The following CLTA variants were observed in gnomAD, a reference collection of about 807,000 sequenced individuals.
The protein encoded by CLTA is clathrin, light polypeptide (Lca).
CLTA carries 9 observed loss-of-function variants against 26.9 expected under a neutral mutation model. The observed-to-expected ratio is 0.33, with a 90% CI of 0.20 to 0.58. The LOEUF is 0.58. Among genes scored for constraint, CLTA ranks in the 20% least tolerant of loss-of-function variants. CLTA has a pLI of 0.85. For missense variants in CLTA, 278 were observed against 294.2 expected, an observed-to-expected ratio of 0.94 and a Z score of 0.40; for synonymous variants, 120 against 115.5, an observed-to-expected ratio of 1.04 and a Z score of -0.25.
At chr9:36,206,566 ATCTG>A (rs1282373705) in intron 4 of CLTA, among the ~76,000 whole-genome samples, 2 of 152,086 alleles carry the variant, frequency 1.3e-5, no homozygotes, top group Non-Finnish European at 2.9e-5. Context: ...CATCCTTGTT[ATCTG>A]TCTATGGGTA....
intron 1 of CLTA, among the ~76,000 whole-genome samples, chr9:36,193,636 C>G (rs143904228): frequency 6.6e-6 from 1 of 151,880 alleles, no homozygotes; most frequent in African/African-American, 2.4e-5. Flanking sequence ...AGGTTTTAGG[C>G]GGGAGCTCTC....
At chr9:36,192,831 A>G (rs1364307554) in intron 1 of CLTA, among the ~76,000 whole-genome samples, 1 of 152,222 alleles carries the variant, frequency 6.6e-6, no homozygotes, top group Non-Finnish European at 1.5e-5. Flanking sequence ...GTGCGATAAC[A>G]GACAGGCAGC....
At chr9:36,198,155 C>T (rs528116627) in intron 2 of CLTA, among the ~76,000 whole-genome samples, 11 of 151,958 alleles carry the variant, frequency 7.2e-5, no homozygotes, top group Admixed American at 6.5e-4. Context: ...TGCCACCACG[C>T]CCGGCTAATT....
chr9:36,206,750 C>G (rs1468991399), intron 4 of CLTA, among the ~76,000 whole-genome samples: 4 of 152,012 alleles, frequency 2.6e-5, no homozygotes, highest in African/African-American at 9.7e-5. Flanking sequence ...CGAAAATTAA[C>G]TGGGTGTGGT....
At chr9:36,205,288 C>T (rs1271152423) in intron 4 of CLTA, among the ~76,000 whole-genome samples, 1 of 151,386 alleles carries the variant, frequency 6.6e-6, no homozygotes, top group African/African-American at 2.5e-5. Flanking sequence ...TCCACAGTCC[C>T]AGTCCCACAG....
At chr9:36,195,818 A>AT (rs199793777) in intron 1 of CLTA, among the ~76,000 whole-genome samples, 4,325 of 152,078 alleles carry the variant, frequency 0.028, 220 homozygotes, top group African/African-American at 0.099. Flanking sequence ...AAATACAAAA[A>AT]TTAGCCGGGC....
In CLTA at chr9:36,191,052, C is replaced by T. The variant is rs1210023037; in HGVS notation, c.-5C>T. On this transcript the variant is annotated 5_prime_UTR_variant, in exon 1 of 5. Transcript: ENST00000345519. ...GTTGGTGTCCGTGCCGTTCAGTTGC[C>T]CGCCATGGCTGAGCTGGATCCGTTC... 1 of 1,533,722 alleles carries T rather than the reference C, an allele frequency of 6.5e-7. No individual in the cohort carries two copies. The highest frequency in any genetic ancestry group is 8.7e-7 in the Non-Finnish European group (1 of 1,152,464).
intron 1 of CLTA, 52 bp downstream of exon 1, chr9:36,191,325 C>T: frequency 6.2e-6 from 9 of 1,459,576 alleles, no homozygotes; most frequent in Non-Finnish European, 7.2e-6. Context: ...AAACTCGGTC[C>T]ACAGTGGGTC....
intron 1 of CLTA, among the ~76,000 whole-genome samples, chr9:36,193,514 A>C (rs1241305899): frequency 2.6e-5 from 4 of 151,832 alleles, no homozygotes; most frequent in Admixed American, 6.6e-5. Flanking sequence ...TACATTAAAG[A>C]GTGTCTATAA....
chr9:36,193,317 C>CTTT (rs5897629), intron 1 of CLTA, among the ~76,000 whole-genome samples: 3 of 137,558 alleles, frequency 2.2e-5, no homozygotes, highest in South Asian at 4.6e-4. Context: ...CTTTTTCCTT[C>CTTT]TTTTTTTTTT....
Position 36,197,551 on chromosome 9 carries a change from A to G in CLTA, c.218A>G (p.Asp73Gly). The change falls in exon 2 of 5, where the codon GAT (aspartate) becomes GGT (glycine). Residue 73 changes from aspartate to glycine, a missense_variant and splice_region_variant. Asp to Gly is a moderately conservative substitution (Grantham distance 94). Transcript: ENST00000345519. ...QPHGEPPGGP[D>G]AVDGVMNGEY... The stretch of plus-strand genomic sequence containing the variant: ...TAGACCAAAATCTTATGTCTTGCAG[A>G]TGCTGTTGATGGAGTAATGAATGGT... The G allele has an allele frequency of 6.2e-7, 1 of 1,611,328 alleles. No individual in the cohort carries two copies. Among genetic ancestry groups the G allele is most frequent in the Non-Finnish European group, 8.5e-7 (1 of 1,178,040 alleles).
chr9:36,196,287 A>AAATAT (rs1554650956), intron 1 of CLTA, among the ~76,000 whole-genome samples: 1 of 149,618 alleles, frequency 6.7e-6, no homozygotes, highest in African/African-American at 2.5e-5. Context: ...TCTCTCAAAA[A>AAATAT]AAAATAAAAT....
At chr9:36,211,224 A>AAC (rs1203915005) in intron 4 of CLTA, among the ~76,000 whole-genome samples, 3 of 152,240 alleles carry the variant, frequency 2.0e-5, no homozygotes, top group Admixed American at 6.5e-5. Context: ...TTTCCTTGAA[A>AAC]TTCAGTACAG....
At chr9:36,201,347 TTC>T (rs1827389557) in intron 3 of CLTA, among the ~76,000 whole-genome samples, 2 of 152,202 alleles carry the variant, frequency 1.3e-5, no homozygotes, top group Admixed American at 1.3e-4. Context: ...TAATTTTCTT[TTC>T]TCTGACCAGT....
In CLTA at chr9:36,194,788, G is replaced by T. The variant is rs142952995; in HGVS notation, c.218-2763G>T. Among the ~76,000 whole-genome samples, 211 of 152,338 alleles carry T rather than the reference G, an allele frequency of 1.4e-3. 1 individual carries two copies. The highest frequency in any genetic ancestry group is 4.7e-3 in the African/African-American group (196 of 41,570). On this transcript the variant is annotated intron_variant, in intron 1 of 4. Transcript: ENST00000345519. ...TAGTTTAGTTGTTGTAGTAAGTCAAGGCCCTACATGTCCTTTCTGCATGTT... is the reference window on the plus strand; with the variant it reads ...TAGTTTAGTTGTTGTAGTAAGTCAATGCCCTACATGTCCTTTCTGCATGTT...
chr9:36,195,968 AAAAAAAAT>A (rs1366485636), intron 1 of CLTA, among the ~76,000 whole-genome samples: 1 of 149,988 alleles, frequency 6.7e-6, no homozygotes, highest in Non-Finnish European at 1.5e-5. Context: ...ACTCCGTCTC[AAAAAAAAT>A]AAAAAAATAC....
chr9:36,210,299 T>C (rs1827968411), intron 4 of CLTA, among the ~76,000 whole-genome samples: 1 of 152,148 alleles, frequency 6.6e-6, no homozygotes. Context: ...GCCTATGACC[T>C]TGAGATGTTC....
At chr9:36,193,415 A>G (rs1275733695) in intron 1 of CLTA, among the ~76,000 whole-genome samples, 1 of 151,866 alleles carries the variant, frequency 6.6e-6, no homozygotes, top group Non-Finnish European at 1.5e-5. Flanking sequence ...CAGACAATGT[A>G]TATAACTACC....
At chr9:36,207,550 C>T (rs1177811601) in intron 4 of CLTA, among the ~76,000 whole-genome samples, 1 of 152,188 alleles carries the variant, frequency 6.6e-6, no homozygotes, top group Non-Finnish European at 1.5e-5. Context: ...CTCTTCCCTC[C>T]CCTCTCCTAA....
Sources: gnomAD v4.1 joint callset for allele counts (sites outside exome capture counted in the v4.1 genomes callset) on GRCh38, gnomAD v4.1.1 for gene constraint, MANE v1.5 for transcripts, NCBI Gene and HGNC (gene_info 2026-07-23, HGNC 2026-07-21) for gene names.